ACOX3: variants seen among roughly 807,000 people sequenced by gnomAD.
ACOX3 encodes the protein peroxisomal acyl-coenzyme A oxidase 3.
Under a neutral mutation model 81.5 loss-of-function variants are expected in ACOX3, and 73 were observed. The observed-to-expected ratio is 0.90, with a 90% CI of 0.74 to 1.09. The LOEUF is 1.09. ACOX3 is among the 50% of genes least tolerant of loss of function. ACOX3 has a pLI of 0.00. For synonymous variants in ACOX3, 387 were observed against 375.1 expected, an observed-to-expected ratio of 1.03 and a Z score of -0.37; for missense variants, 947 against 928.0, an observed-to-expected ratio of 1.02 and a Z score of -0.27.
chr4:8,427,233 G>T (rs1723580410), intron 1 of ACOX3, among the ~76,000 whole-genome samples: 1 of 152,198 alleles, frequency 6.6e-6, no homozygotes, highest in Admixed American at 6.5e-5. Flanking sequence ...GAGCACAGGG[G>T]GAGGGACAAT....
rs376788385 is a variant in ACOX3, at chr4:8,410,426, TAGAC to T, written c.544-75_544-72del. 5.3e-4 allele frequency: 818 copies of T among 1,556,180 alleles called. 11 individuals carry two copies. The East Asian group carries it at 0.016, about 30-fold the overall frequency. On this transcript the variant is annotated intron_variant, in intron 5 of 17. Coordinates refer to ENST00000356406, the MANE Select transcript of ACOX3 (RefSeq NM_003501.3). ...ACATGCAGAATTGGTGTTTTCCTTT[TAGAC>T]AGATTCCATTTTCTACGTTCAAAAT... is the stretch of plus-strand genomic sequence containing the variant.
rs550830556 is a variant in ACOX3, at chr4:8,415,942, C to A, written c.202G>T (p.Asp68Tyr). 2 of 1,614,164 alleles carry A rather than the reference C, an allele frequency of 1.2e-6. No homozygotes were observed. The highest frequency in any genetic ancestry group is 1.7e-5 in the Admixed American group (1 of 60,028). Residue 68 changes from aspartate (D) to tyrosine (Y), a missense_variant, in exon 3 of 18, where the codon GAT (aspartate) becomes TAT (tyrosine). Physicochemically the swap from Asp to Tyr is radical, Grantham distance 160. Coordinates refer to ENST00000356406, the MANE Select transcript of ACOX3 (RefSeq NM_003501.3). ...TCGCGATACTTCTCCAAGGACAGAT[C>A]GGCTCCAGGGGAACGAGCGAAAAGA... is the stretch of plus-strand genomic sequence containing the variant. ...DPLFARSPGA[D>Y]LSLEKYRELN...
Position 8,440,711 on chromosome 4 carries a change from G to T in ACOX3, c.-78C>A, listed in dbSNP as rs1724580649. 1.6e-6 allele frequency: 2 copies of T among 1,280,718 alleles called. No homozygotes were observed. Among genetic ancestry groups the T allele is most frequent in the Non-Finnish European group, 1.0e-6 (1 of 986,068 alleles). 79.3% of individuals were successfully genotyped at this position (1,280,718 alleles called of 1,614,324 possible). A position where few individuals can be genotyped will look rare whatever the true frequency, so the allele number is the denominator to read the frequency against. On this transcript the variant is annotated 5_prime_UTR_variant, in exon 1 of 18. Coordinates refer to ENST00000356406, the MANE Select transcript of ACOX3 (RefSeq NM_003501.3). ...AAAGCAGGAAAGGATCTCCAGCGGC[G>T]CCATTCTCATTTCCGGTCCCAGCAC...
chr4:8,432,577 G>T lies in ACOX3; in HGVS notation c.-15+8071C>A, dbSNP rs1017118134. Among the ~76,000 whole-genome samples, 2 of 152,094 alleles carry T rather than the reference G, an allele frequency of 1.3e-5. No individual in the cohort carries two copies. Among genetic ancestry groups the T allele is most frequent in the Non-Finnish European group, 2.9e-5 (2 of 68,028 alleles). ...TAAACCCAACATATTGAATTTAACG[G>T]GTTTCTATGCTGTTAAGGTCTTGGC... On this transcript the variant is annotated intron_variant, in intron 1 of 17. Transcript: ENST00000356406. This position sits in a 1 kb window ranked among gnomAD's most constrained non-coding sequence, Gnocchi z 6.2.
rs1720259678 is a variant in ACOX3, at chr4:8,400,561, G to C, written c.777-909C>G. 6.6e-6 allele frequency among the ~76,000 whole-genome samples: 1 copy of C among 152,264 alleles called. No homozygotes were observed. Among genetic ancestry groups the C allele is most frequent in the South Asian group, 2.1e-4 (1 of 4,822 alleles). Reference sequence around the variant, plus strand: ...TTACACACACATTGTTATGGATCATGATGTATTAATAACCAAAGATACCTG... The same window carrying C: ...TTACACACACATTGTTATGGATCATCATGTATTAATAACCAAAGATACCTG... On this transcript the variant is annotated intron_variant, in intron 7 of 17. Coordinates refer to ENST00000356406, the MANE Select transcript of ACOX3 (RefSeq NM_003501.3). This position sits in a 1 kb window ranked among gnomAD's most constrained non-coding sequence, Gnocchi z 4.4.
At chr4:8,409,312 A>G (rs1405771990) in intron 6 of ACOX3, among the ~76,000 whole-genome samples, 3 of 152,174 alleles carry the variant, frequency 2.0e-5, no homozygotes, top group Non-Finnish European at 4.4e-5. Context: ...ACTGGGGGAC[A>G]TTGGGCTGGA....
At chr4:8,361,178 G>C in the ACOX3 span, among the ~76,000 whole-genome samples, 3 of 151,892 alleles carry the variant, frequency 2.0e-5, no homozygotes, top group Non-Finnish European at 2.9e-5. Flanking sequence ...AATCCCAGCA[G>C]TTTGGGAGGC....
At position 8,432,087 on chromosome 4, in the gene ACOX3, C is replaced by T. The variant is rs1336176203; in HGVS notation, c.-15+8561G>A. On this transcript the variant is annotated intron_variant, in intron 1 of 17. Coordinates refer to ENST00000356406, the MANE Select transcript of ACOX3 (RefSeq NM_003501.3). The surrounding 1 kb of genome is among the most constrained non-coding windows in gnomAD (Gnocchi z 6.2). ...AGCCACAGTCGTCACCACCACCCAGCAGCCACCTCACTTCCCCTAGTCACA... is the reference window on the plus strand; with the variant it reads ...AGCCACAGTCGTCACCACCACCCAGTAGCCACCTCACTTCCCCTAGTCACA... Among the ~76,000 whole-genome samples, 1 of 152,220 alleles carries T rather than the reference C, an allele frequency of 6.6e-6. No individual in the cohort carries two copies. Among genetic ancestry groups the T allele is most frequent in the East Asian group, 1.9e-4 (1 of 5,198 alleles).
chr4:8,367,062 C>T lies in ACOX3; in HGVS notation c.2002G>A (p.Gly668Ser). 1 of 1,613,972 alleles carries T rather than the reference C, an allele frequency of 6.2e-7. No homozygotes were observed. Among genetic ancestry groups the T allele is most frequent in the Non-Finnish European group, 8.5e-7 (1 of 1,179,960 alleles). ...ACCTTGCTTTCCTGCAGGACAGCGC[C>T]CCAGAGGTTTTTGTAGAGCTGCAAA... Reference protein sequence around the residue: ...ADGELYKNLWGAVLQESKVLE... With the variant: ...ADGELYKNLWSAVLQESKVLE... The change falls in exon 18 of 18, where the codon GGC becomes AGC. Residue 668 changes from glycine to serine, a missense_variant. Gly to Ser is a moderately conservative substitution (Grantham distance 56). Transcript: ENST00000356406.
intron 1 of ACOX3, among the ~76,000 whole-genome samples, chr4:8,429,483 T>C (rs1723817350): frequency 6.6e-6 from 1 of 152,240 alleles, no homozygotes; most frequent in African/African-American, 2.4e-5. Flanking sequence ...GCGTTATCAA[T>C]CAGACGAATT....
In ACOX3 at chr4:8,397,024, C is replaced by T; in HGVS notation, c.969G>A (p.Val323=). The part of the protein sequence containing the change: ...SLAILNLKLA[V]AIALRFSATR... ...TGGCTGAGAAGCGAAGAGCGATGGC[C>T]ACGGCCAGCTTTAGGTTAAGGATGG... Residue 323 remains valine (V), a synonymous_variant, in exon 9 of 18, where the codon GTG becomes GTA. Coordinates refer to ENST00000356406, the MANE Select transcript of ACOX3 (RefSeq NM_003501.3). 1 of 1,611,774 alleles carries T rather than the reference C, an allele frequency of 6.2e-7. No individual in the cohort carries two copies. Among genetic ancestry groups the T allele is most frequent in the South Asian group, 1.1e-5 (1 of 90,600 alleles).
At chr4:8,393,792 T>C (rs556070047) in intron 10 of ACOX3, among the ~76,000 whole-genome samples, 77 of 152,200 alleles carry the variant, frequency 5.1e-4, no homozygotes, top group Non-Finnish European at 9.3e-4. Flanking sequence ...TTTACAACAT[T>C]ATTCACAGGA....
chr4:8,380,969 A>C (rs1426258649), intron 14 of ACOX3, among the ~76,000 whole-genome samples: 1 of 152,204 alleles, frequency 6.6e-6, no homozygotes, highest in African/African-American at 2.4e-5. Context: ...AAGGTGTTTT[A>C]TAACAGGCTA....
chr4:8,395,777 G>A lies in ACOX3; in HGVS notation c.1057-1035C>T, dbSNP rs958763202. 3.3e-5 allele frequency among the ~76,000 whole-genome samples: 5 copies of A among 152,352 alleles called. No individual in the cohort carries two copies. The South Asian group carries it at 1.0e-3, about 32-fold the overall frequency. On this transcript the variant is annotated intron_variant, in intron 9 of 17. Transcript: ENST00000356406. ...ACGGGAGGGGATGGGTGCCACACAG[G>A]CATGAATGGCAACACTTACTAAACA...
Position 8,412,360 on chromosome 4 carries a change from T to C in ACOX3, c.543+1932A>G, listed in dbSNP as rs542756252. ...TTCATTCCTGGGCTCTTCCATGCAG[T>C]ACCCCAGGCACAGTCCACACAGCCC... is the stretch of plus-strand genomic sequence containing the variant. On this transcript the variant is annotated intron_variant, in intron 5 of 17. Transcript: ENST00000356406. 6.9e-4 allele frequency among the ~76,000 whole-genome samples: 105 copies of C among 152,266 alleles called. 1 individual carries two copies. In the South Asian group the frequency reaches 0.021, roughly 30 times the overall value.
intron 11 of ACOX3, among the ~76,000 whole-genome samples, chr4:8,392,001 G>A (rs1347064049): frequency 1.3e-5 from 2 of 152,250 alleles, no homozygotes; most frequent in South Asian, 2.1e-4. Flanking sequence ...TGGCCAAGAA[G>A]CATCAGGCAT....
intron 14 of ACOX3, among the ~76,000 whole-genome samples, chr4:8,377,140 G>A (rs548320333): frequency 1.3e-5 from 2 of 152,244 alleles, no homozygotes; most frequent in East Asian, 3.9e-4. Context: ...CCCACACCAC[G>A]AGGGCCTCTC....
chr4:8,364,601 C>T (rs939278325), downstream of ACOX3, among the ~76,000 whole-genome samples: 12 of 151,848 alleles, frequency 7.9e-5, no homozygotes, highest in Admixed American at 5.9e-4. The surrounding 1 kb of genome is among the most constrained non-coding windows in gnomAD (Gnocchi z 5.0). Context: ...CTCTCCTGCA[C>T]GAGAACCTGT....
At position 8,405,885 on chromosome 4, in the gene ACOX3, T is replaced by A; in HGVS notation, c.776+70A>T. 1 of 1,473,632 alleles carries A rather than the reference T, an allele frequency of 6.8e-7. No individual in the cohort carries two copies. Among genetic ancestry groups the A allele is most frequent in the African/African-American group, 1.4e-5 (1 of 72,114 alleles). 91.3% of individuals were successfully genotyped at this position (1,473,632 alleles called of 1,614,324 possible). The stretch of plus-strand genomic sequence containing the variant: ...TGGCATCCATGGGGCCAGTGAGATC[T>A]CAGACATGAGCGACAACGCAGCCTG... On this transcript the variant is annotated intron_variant, in intron 7 of 17. Coordinates refer to ENST00000356406, the MANE Select transcript of ACOX3 (RefSeq NM_003501.3). This position sits in a 1 kb window ranked among gnomAD's most constrained non-coding sequence, Gnocchi z 7.1.
Sources: gnomAD v4.1 joint callset for allele counts (sites outside exome capture counted in the v4.1 genomes callset) on GRCh38, gnomAD v4.1.1 for gene constraint, Gnocchi (gnomAD v3.1) non-coding constraint, MANE v1.5 for transcripts, NCBI Gene and HGNC (gene_info 2026-07-23, HGNC 2026-07-21) for gene names.